PRRC2C: variants seen among roughly 807,000 people sequenced by gnomAD.
PRRC2C encodes the protein protein PRRC2C.
A neutral mutation model predicts 317.2 loss-of-function variants in PRRC2C; 72 were observed. The observed-to-expected ratio is 0.23, with a 90% CI of 0.19 to 0.28. PRRC2C has a LOEUF of 0.28. Ranked by LOEUF, PRRC2C falls within the 10% of genes least tolerant of loss-of-function variation. The pLI is 1.00. For synonymous variants in PRRC2C, 1,296 were observed against 1,205.9 expected, an observed-to-expected ratio of 1.07 and a Z score of -1.55; for missense variants, 3,074 against 3,459.7, an observed-to-expected ratio of 0.89 and a Z score of 2.80.
In PRRC2C at chr1:171,541,391, C is replaced by T; in HGVS notation, c.3925C>T (p.Pro1309Ser). 2 of 1,613,222 alleles carry T rather than the reference C, an allele frequency of 1.2e-6. No individual in the cohort carries two copies. The highest frequency in any genetic ancestry group is 1.7e-6 in the Non-Finnish European group (2 of 1,179,702). ...KPVKPHSSFK[P>S]DNHVRIDNRL... ...TGTAAAGCCTCATTCTTCTTTCAAG[C>T]CTGATAATCATGTTCGAATAGATAA... The change falls in exon 16 of 35, where the codon CCT becomes TCT. Residue 1309 changes from proline to serine, a missense_variant. By Grantham distance (74) the Pro-to-Ser change is moderately conservative. Transcript: ENST00000647382. The surrounding 1 kb of genome is among the most constrained non-coding windows in gnomAD (Gnocchi z 4.1).
intron 11 of PRRC2C, among the ~76,000 whole-genome samples, chr1:171,529,417 C>G (rs1675364255): frequency 6.6e-6 from 1 of 152,190 alleles, no homozygotes; most frequent in Non-Finnish European, 1.5e-5. Context: ...TTCCTGCATA[C>G]CCACAGTGCT....
intron 1 of PRRC2C, among the ~76,000 whole-genome samples, chr1:171,487,810 C>G (rs750171687): frequency 1.2e-4 from 18 of 152,150 alleles, no homozygotes; most frequent in Non-Finnish European, 2.1e-4. Context: ...AGAAAATACT[C>G]TCTTCCAAGC....
chr1:171,498,104 G>A (rs1352278592), intron 1 of PRRC2C, among the ~76,000 whole-genome samples: 1 of 151,626 alleles, frequency 6.6e-6, no homozygotes, highest in Non-Finnish European at 1.5e-5. Flanking sequence ...TGGAATTACA[G>A]GCATGAGCCA....
chr1:171,580,038 A>G, intron 28 of PRRC2C, 74 bp downstream of exon 28: 1 of 1,292,626 alleles, frequency 7.7e-7, no homozygotes, highest in Non-Finnish European at 1.0e-6. Flanking sequence ...GCCGTAATCC[A>G]TACTGTTCCT....
Position 171,532,745 on chromosome 1 carries a change from A to G in PRRC2C, c.1657A>G (p.Lys553Glu). 6.5e-7 allele frequency: 1 copy of G among 1,538,350 alleles called. No homozygotes were observed. The highest frequency in any genetic ancestry group is 8.7e-7 in the Non-Finnish European group (1 of 1,144,236). ...GAAAGAGCTGGAGAAGGAGCAGGAA[A>G]AACAAAGAGAAATGGAGAAAGAAAG... is the stretch of plus-strand genomic sequence containing the variant. Reference protein sequence around the residue: ...KEKELEKEQEKQREMEKERKQ... With the variant: ...KEKELEKEQEEQREMEKERKQ... The change falls in exon 12 of 35, where the codon AAA (lysine) becomes GAA (glutamate). Residue 553 changes from lysine to glutamate, a missense_variant. Physicochemically the swap from Lys to Glu is moderately conservative, Grantham distance 56. Coordinates refer to ENST00000647382, the MANE Select transcript of PRRC2C (RefSeq NM_001387844.1).
intron 1 of PRRC2C, among the ~76,000 whole-genome samples, chr1:171,505,898 A>G (rs1277805820): frequency 6.6e-6 from 1 of 152,160 alleles, no homozygotes; most frequent in African/African-American, 2.4e-5. Context: ...CTATGTTTAG[A>G]CATGTTTCGA....
chr1:171,506,446 G>C (rs1187568964), intron 1 of PRRC2C, among the ~76,000 whole-genome samples: 3 of 151,898 alleles, frequency 2.0e-5, no homozygotes, highest in Non-Finnish European at 4.4e-5. Flanking sequence ...TCTTAGACTT[G>C]GGCTTTGTTG....
chr1:171,587,900 G>T, intron 32 of PRRC2C, 149 bp downstream of exon 32: 1 of 587,638 alleles, frequency 1.7e-6, no homozygotes, highest in Non-Finnish European at 3.0e-6. Context: ...AAAATGTTAA[G>T]CTTTTAAATT....
Position 171,577,771 on chromosome 1 carries a change from A to ATAATTTTT in PRRC2C, c.7159+135_7159+136insAATTTTTT, listed in dbSNP as rs72021003. 3.8e-4 allele frequency: 114 copies of ATAATTTTT among 299,830 alleles called. 1 individual carries two copies. Among genetic ancestry groups the ATAATTTTT allele is most frequent in the African/African-American group, 9.7e-4 (15 of 15,542 alleles). 18.6% of individuals were successfully genotyped at this position (299,830 alleles called of 1,614,324 possible). A position where few individuals can be genotyped will look rare whatever the true frequency, so the allele number is the denominator to read the frequency against. The stretch of plus-strand genomic sequence containing the variant: ...CATTGCTGTAAATATTTAAATTCGC[A>ATAATTTTT]TTTTTTTTTTTTTTTTTTTTTTTTG... On this transcript the variant is annotated intron_variant, in intron 26 of 34. Transcript: ENST00000647382.
intron 26 of PRRC2C, among the ~76,000 whole-genome samples, chr1:171,578,525 G>C (rs1647722819): frequency 6.6e-6 from 1 of 151,568 alleles, no homozygotes; most frequent in Admixed American, 6.6e-5. Flanking sequence ...GTGAGGCCCT[G>C]TCTCGTCGTA....
At chr1:171,535,931 C>G (rs1260487904) in intron 13 of PRRC2C, 98 bp from the exon 14 acceptor site, 2 of 1,426,532 alleles carry the variant, frequency 1.4e-6, no homozygotes, top group African/African-American at 2.9e-5. Context: ...ACTTTTCCTT[C>G]AAGGATTCAA....
rs747666131 is a variant in PRRC2C, at chr1:171,591,850, G to C, written c.*3G>C. On this transcript the variant is annotated 3_prime_UTR_variant, in exon 35 of 35. Transcript: ENST00000647382. ...AAACCGAAGAAACAAAATCTTAAAGGCTATGGTTTATTGCAGGGGATTGGG... is the reference window on the plus strand; with the variant it reads ...AAACCGAAGAAACAAAATCTTAAAGCCTATGGTTTATTGCAGGGGATTGGG... 3 of 1,465,598 alleles carry C rather than the reference G, an allele frequency of 2.0e-6. No homozygotes were observed. The highest frequency in any genetic ancestry group is 2.8e-6 in the Non-Finnish European group (3 of 1,083,502). The allele number at this position is 1,465,598 out of a possible 1,614,324, so 90.8% of individuals were successfully genotyped here.
At chr1:171,543,724 T>C (rs1184773129) in intron 16 of PRRC2C, among the ~76,000 whole-genome samples, 2 of 152,236 alleles carry the variant, frequency 1.3e-5, no homozygotes, top group Admixed American at 6.5e-5. Context: ...TATATTTGTC[T>C]ATTTTCTGTT....
At chr1:171,499,238 C>A (rs776666154) in intron 1 of PRRC2C, among the ~76,000 whole-genome samples, 1 of 152,174 alleles carries the variant, frequency 6.6e-6, no homozygotes, top group South Asian at 2.1e-4. Context: ...GAGGAAAGCA[C>A]GTCTCTTGTT....
In PRRC2C at chr1:171,541,705, A is replaced by C. The variant is rs1267468097; in HGVS notation, c.4239A>C (p.Arg1413=). The stretch of plus-strand genomic sequence containing the variant: ...ATAAACGACCTCCAAAATTTGAGCG[A>C]AAATTTGACCCAGCTAGAGAAAGGC... ...AADKRPPKFE[R]KFDPARERPR... The change falls in exon 16 of 35, where the codon CGA becomes CGC. Residue 1413 remains arginine (R), a synonymous_variant. Coordinates refer to ENST00000647382, the MANE Select transcript of PRRC2C (RefSeq NM_001387844.1). This position sits in a 1 kb window ranked among gnomAD's most constrained non-coding sequence, Gnocchi z 4.1. 9.9e-6 allele frequency: 16 copies of C among 1,613,834 alleles called. No individual in the cohort carries two copies. The highest frequency in any genetic ancestry group is 1.3e-5 in the Non-Finnish European group (15 of 1,179,880).
At chr1:171,518,865 A>G (rs530326555) in intron 6 of PRRC2C, among the ~76,000 whole-genome samples, 20 of 148,264 alleles carry the variant, frequency 1.3e-4, no homozygotes, top group Middle Eastern at 3.6e-3. Flanking sequence ...AGTGCAATGA[A>G]TCTGCCTCTT....
Position 171,536,097 on chromosome 1 carries a change from A to T in PRRC2C, c.2112A>T (p.Ser704=). ...GTGTACTTCCACAGACTGTTCCTTC[A>T]CAACCGTCCAGTAGTACTGTCCCTC... ...QQGVLPQTVP[S]QPSSSTVPPP... Residue 704 remains serine, a synonymous_variant, in exon 14 of 35, where the codon TCA becomes TCT. Transcript: ENST00000647382. 1 of 1,559,142 alleles carries T rather than the reference A, an allele frequency of 6.4e-7. No homozygotes were observed. The highest frequency in any genetic ancestry group is 1.4e-5 in the African/African-American group (1 of 73,734).
At chr1:171,509,348 C>T (rs1670867727) in intron 1 of PRRC2C, among the ~76,000 whole-genome samples, 1 of 152,100 alleles carries the variant, frequency 6.6e-6, no homozygotes, top group Admixed American at 6.5e-5. Flanking sequence ...ATATATTCCT[C>T]AGGAGTACTG....
In PRRC2C at chr1:171,557,976, A is replaced by C. The variant is rs1681777300; in HGVS notation, c.5864A>C (p.Gln1955Pro). The change falls in exon 19 of 35, where the codon CAA (glutamine) becomes CCA (proline). Residue 1955 changes from glutamine (Q) to proline (P), a missense_variant. By Grantham distance (76) the Gln-to-Pro change is moderately conservative. Transcript: ENST00000647382. Reference sequence around the variant, plus strand: ...CAGACTACATCTCAGTCTTCAAAACAACCACCACCATCAATTAGGCTGCCT... The same window carrying C: ...CAGACTACATCTCAGTCTTCAAAACCACCACCACCATCAATTAGGCTGCCT... ...PLQTTSQSSK[Q>P]PPPSIRLPSA... 3.1e-6 allele frequency: 5 copies of C among 1,613,312 alleles called. No homozygotes were observed. The highest frequency in any genetic ancestry group is 4.2e-6 in the Non-Finnish European group (5 of 1,179,750).
Sources: gnomAD v4.1 joint callset for allele counts (sites outside exome capture counted in the v4.1 genomes callset) on GRCh38, gnomAD v4.1.1 for gene constraint, Gnocchi (gnomAD v3.1) non-coding constraint, MANE v1.5 for transcripts, NCBI Gene and HGNC (gene_info 2026-07-23, HGNC 2026-07-21) for gene names.